The following NIPBL variants were observed in gnomAD, a reference collection of about 807,000 sequenced individuals.
The protein encoded by NIPBL is nipped-B-like protein.
NIPBL carries 19 observed loss-of-function variants against 321.8 expected under a neutral mutation model. The observed-to-expected ratio is 0.06, with a 90% CI of 0.04 to 0.09. The LOEUF is 0.09. Ranked by LOEUF, NIPBL falls within the 10% of genes least tolerant of loss-of-function variation. NIPBL has a pLI of 1.00. For missense variants in NIPBL, 2,210 were observed against 3,327.0 expected (o/e 0.66, Z 8.26); for synonymous variants, 1,106 against 1,114.1 (o/e 0.99, Z 0.14).
intron 8 of NIPBL, among the ~76,000 whole-genome samples, chr5:36,972,357 G>GCTTT (rs971796758): frequency 6.6e-6 from 1 of 151,974 alleles, no homozygotes; most frequent in African/African-American, 2.4e-5. Flanking sequence ...ATTTTGATCA[G>GCTTT]CTTTCCTCTT....
chr5:36,886,117 C>T (rs1247143200), intron 1 of NIPBL: 1 of 663,656 alleles, frequency 1.5e-6, no homozygotes, highest in Non-Finnish European at 2.8e-6. Context: ...CGGTCCAGTC[C>T]TTGGAGATCC....
intron 1 of NIPBL, among the ~76,000 whole-genome samples, chr5:36,897,359 A>G (rs572513511): frequency 2.6e-5 from 4 of 152,146 alleles, no homozygotes; most frequent in East Asian, 1.9e-4. Context: ...ATGGAAGTGC[A>G]GTTGATTTTT....
intron 10 of NIPBL, among the ~76,000 whole-genome samples, chr5:36,992,775 C>T (rs1222483438): frequency 6.7e-6 from 1 of 149,834 alleles, no homozygotes; most frequent in African/African-American, 2.5e-5. Flanking sequence ...TGGAGTCTCG[C>T]TGTGTTGCCC....
chr5:37,053,464 G>T (rs1196580390), intron 42 of NIPBL, among the ~76,000 whole-genome samples: 1 of 152,078 alleles, frequency 6.6e-6, no homozygotes, highest in African/African-American at 2.4e-5. Flanking sequence ...TTATAAATTA[G>T]TCACAGTAAG....
At chr5:37,002,332 C>T (rs1746909925) in intron 14 of NIPBL, among the ~76,000 whole-genome samples, 1 of 152,138 alleles carries the variant, frequency 6.6e-6, no homozygotes, top group African/African-American at 2.4e-5. Context: ...CTGGCCAAAC[C>T]CAAACAAAAG....
intron 1 of NIPBL, among the ~76,000 whole-genome samples, chr5:36,947,076 T>C (rs1739770122): frequency 6.6e-6 from 1 of 152,100 alleles, no homozygotes; most frequent in Non-Finnish European, 1.5e-5. Context: ...AATCCTTTGA[T>C]ATTGGAATGA....
Position 37,002,751 on chromosome 5 carries a change from G to T in NIPBL, c.3754G>T (p.Gly1252Cys). 6.3e-7 allele frequency: 1 copy of T among 1,579,344 alleles called. No homozygotes were observed. The highest frequency in any genetic ancestry group is 8.7e-7 in the Non-Finnish European group (1 of 1,148,954). Residue 1252 changes from glycine to cysteine, a missense_variant, in exon 15 of 47, where the codon GGT (glycine) becomes TGT (cysteine). By Grantham distance (159) the Gly-to-Cys change is radical. Around this residue, in one of 14 missense-constraint regions of NIPBL, gnomAD observed 381 missense variants for 642.3 expected, o/e 0.59. Coordinates refer to ENST00000282516, the MANE Select transcript of NIPBL (RefSeq NM_133433.4). ...GSESAKIKAM[G>C]IMDKLSTDKT... ...TGAATCTGCTAAAATAAAAGCAATG[G>T]GTATAATGGATAAGGTATCTCACCA... is the stretch of plus-strand genomic sequence containing the variant.
chr5:36,938,881 G>A (rs1160845591), intron 1 of NIPBL, among the ~76,000 whole-genome samples: 1 of 152,156 alleles, frequency 6.6e-6, no homozygotes, highest in Non-Finnish European at 1.5e-5. Flanking sequence ...TGCGTGTACA[G>A]CAGGTGTGTG....
chr5:36,952,727 G>C (rs1348350428), intron 1 of NIPBL, among the ~76,000 whole-genome samples: 2 of 152,282 alleles, frequency 1.3e-5, no homozygotes, highest in Admixed American at 1.3e-4. Context: ...CATTAAAAAT[G>C]TTAACACGTC....
At chr5:36,930,602 C>T (rs1749705871) in intron 1 of NIPBL, among the ~76,000 whole-genome samples, 1 of 152,084 alleles carries the variant, frequency 6.6e-6, no homozygotes. Context: ...CTAAAACCTA[C>T]AGGACAATAT....
rs769740056 is a variant in NIPBL, at chr5:37,063,853, A to G, written c.7924A>G (p.Ser2642Gly). 1.2e-6 allele frequency: 2 copies of G among 1,614,026 alleles called. No homozygotes were observed. The highest frequency in any genetic ancestry group is 1.7e-5 in the Admixed American group (1 of 60,002). The change falls in exon 46 of 47, where the codon AGC (serine) becomes GGC (glycine). Residue 2642 changes from serine to glycine, a missense_variant. By Grantham distance (56) the Ser-to-Gly change is moderately conservative. Around this residue, in one of 14 missense-constraint regions of NIPBL, gnomAD observed 159 missense variants for 319.2 expected, o/e 0.50. Coordinates refer to ENST00000282516, the MANE Select transcript of NIPBL (RefSeq NM_133433.4). ...AGAAGAAGAAGGGGAGGTTTCAGCT[A>G]GCACAAATGCTCGGAACAAAGCAAT... Reference protein sequence around the residue: ...EEEEEGEVSASTNARNKAITS... With the variant: ...EEEEEGEVSAGTNARNKAITS...
intron 21 of NIPBL, among the ~76,000 whole-genome samples, chr5:37,012,456 A>ATTTTTTTTTT (rs763144789): frequency 1.9e-5 from 2 of 107,210 alleles, no homozygotes; most frequent in African/African-American, 4.0e-5. Flanking sequence ...TCTTTCTCCA[A>ATTTTTTTTTT]TTTTTTTTTT....
In NIPBL at chr5:37,049,196, C is replaced by G; in HGVS notation, c.6849C>G (p.Leu2283=). The G allele has an allele frequency of 6.2e-7, 1 of 1,614,120 alleles. No homozygotes were observed. Among genetic ancestry groups the G allele is most frequent in the Non-Finnish European group, 8.5e-7 (1 of 1,180,000 alleles). Residue 2283 remains leucine (L), a synonymous_variant, in exon 40 of 47, where the codon CTC becomes CTG. Transcript: ENST00000282516. ...GMSSSIMQLY[L]KQVLEAFFHT... Reference sequence around the variant, plus strand: ...GTAGTTCCATCATGCAGCTTTATCTCAAACAGGTGCTTGAGGCATTTTTTC... The same window carrying G: ...GTAGTTCCATCATGCAGCTTTATCTGAAACAGGTGCTTGAGGCATTTTTTC...
In NIPBL at chr5:36,876,924, G is replaced by A. The variant is rs946504141; in HGVS notation, c.-334G>A. The A allele has an allele frequency of 5.3e-6, 2 of 380,278 alleles. No homozygotes were observed. Among genetic ancestry groups the A allele is most frequent in the Non-Finnish European group, 9.3e-6 (2 of 214,532 alleles). 23.6% of individuals were successfully genotyped at this position (380,278 alleles called of 1,614,324 possible). On this transcript the variant is annotated 5_prime_UTR_variant, in exon 1 of 47. Coordinates refer to ENST00000282516, the MANE Select transcript of NIPBL (RefSeq NM_133433.4). ...CGCCGACAGGAGAATTGGTTCCCGG[G>A]CCCGCGGCGATGCCCCCCCGGTAGC...
intron 34 of NIPBL, among the ~76,000 whole-genome samples, chr5:37,042,651 G>A (rs180908264): frequency 9.1e-4 from 138 of 151,822 alleles, no homozygotes; most frequent in African/African-American, 3.0e-3. Context: ...TTAGCCAGGC[G>A]TGGTGGCAGG....
At chr5:36,904,326 C>T (rs543013856) in intron 1 of NIPBL, among the ~76,000 whole-genome samples, 83 of 152,226 alleles carry the variant, frequency 5.5e-4, no homozygotes, top group African/African-American at 1.9e-3. Flanking sequence ...AAAAATTAGC[C>T]GGGCATGGTG....
At chr5:36,964,357 A>G (rs1209847985) in intron 6 of NIPBL, among the ~76,000 whole-genome samples, 1 of 152,142 alleles carries the variant, frequency 6.6e-6, no homozygotes, top group Non-Finnish European at 1.5e-5. Flanking sequence ...ATACATTACA[A>G]AGCTGTAGTA....
At chr5:36,901,410 C>T (rs1747200573) in intron 1 of NIPBL, among the ~76,000 whole-genome samples, 1 of 150,950 alleles carries the variant, frequency 6.6e-6, no homozygotes, top group African/African-American at 2.4e-5. Context: ...TGAACATACA[C>T]ATCCATGTGT....
chr5:36,995,644 A>G lies in NIPBL; in HGVS notation c.3144A>G (p.Leu1048=). The G allele has an allele frequency of 4.3e-6, 7 of 1,612,882 alleles. No homozygotes were observed. The highest frequency in any genetic ancestry group is 5.9e-6 in the Non-Finnish European group (7 of 1,178,996). The change falls in exon 11 of 47, where the codon TTA becomes TTG. Residue 1048 remains leucine (L), a synonymous_variant. Coordinates refer to ENST00000282516, the MANE Select transcript of NIPBL (RefSeq NM_133433.4). ...SNKGSIDQSV[L]KELPPELLAE... ...TAGGTAGTATAGATCAATCAGTGTT[A>G]AAAGAATTACCCCCTGAACTCCTGG...
Sources: allele counts gnomAD v4.1 joint callset (sites outside exome capture counted in the v4.1 genomes callset), GRCh38; gene constraint gnomAD v4.1.1; regional missense constraint gnomAD v4.1.1; transcripts MANE v1.5; gene names NCBI Gene and HGNC (gene_info 2026-07-23, HGNC 2026-07-21).